The following CAMKMT variants were observed in gnomAD, a reference collection of about 807,000 sequenced individuals.
CAMKMT encodes the protein calmodulin-lysine N-methyltransferase.
In CAMKMT, 53 loss-of-function variants were observed where a neutral mutation model predicts 48.0. That is an observed-to-expected ratio of 1.10 (90% CI 0.89 to 1.39). The LOEUF is 1.39. Ranked by LOEUF, CAMKMT falls within the 40% of genes most tolerant of loss-of-function variation. CAMKMT has a pLI of 0.00. For synonymous variants in CAMKMT, 165 were observed against 152.3 expected (o/e 1.08, Z -0.61); for missense variants, 428 against 402.7 (o/e 1.06, Z -0.54).
At position 44,706,291 on chromosome 2, in the gene CAMKMT, C is replaced by T. The variant is rs1413721033; in HGVS notation, c.442C>T (p.Leu148Phe). 6.2e-7 allele frequency: 1 copy of T among 1,613,154 alleles called. No individual in the cohort carries two copies. The highest frequency in any genetic ancestry group is 2.2e-5 in the East Asian group (1 of 44,882). Residue 148 changes from leucine to phenylalanine, a missense_variant, in exon 5 of 11, where the codon CTT (leucine) becomes TTT (phenylalanine). By Grantham distance (22) the Leu-to-Phe change is conservative. Transcript: ENST00000378494. ...CLKHNNIFRA[L>F]AVCELGGGMT... Reference sequence around the variant, plus strand: ...CATTTCTTTTCTCTCTTTCAGGGCCCTTGCTGTGTGTGAGCTAGGGGGTGG... The same window carrying T: ...CATTTCTTTTCTCTCTTTCAGGGCCTTTGCTGTGTGTGAGCTAGGGGGTGG...
chr2:44,585,679 T>C (rs1018399388), intron 3 of CAMKMT, among the ~76,000 whole-genome samples: 11 of 152,222 alleles, frequency 7.2e-5, no homozygotes, highest in Non-Finnish European at 1.5e-5. Flanking sequence ...GTGACAATTG[T>C]GTACTTTATG....
At chr2:44,609,662 G>T (rs759301891) in intron 3 of CAMKMT, among the ~76,000 whole-genome samples, 3 of 152,146 alleles carry the variant, frequency 2.0e-5, no homozygotes, top group Admixed American at 6.5e-5. Context: ...TATAGGATTT[G>T]ATTTCTGAAA....
chr2:44,654,514 C>T (rs1205932307), intron 3 of CAMKMT, among the ~76,000 whole-genome samples: 2 of 151,966 alleles, frequency 1.3e-5, no homozygotes, highest in African/African-American at 2.4e-5. Context: ...AACCATTTTT[C>T]GTTTTTGTTT....
At chr2:44,488,435 C>T (rs1669316422) in intron 3 of CAMKMT, among the ~76,000 whole-genome samples, 1 of 152,168 alleles carries the variant, frequency 6.6e-6, no homozygotes. Context: ...ACCCAGGAGG[C>T]AGAGGTTGTG....
intron 3 of CAMKMT, among the ~76,000 whole-genome samples, chr2:44,659,196 G>A (rs139616790): frequency 2.4e-4 from 37 of 151,312 alleles, no homozygotes; most frequent in African/African-American, 8.7e-4. Flanking sequence ...CAAGGCAGGA[G>A]GATTTCTTGA....
At chr2:44,526,067 T>A (rs764200530) in intron 3 of CAMKMT, among the ~76,000 whole-genome samples, 1 of 151,996 alleles carries the variant, frequency 6.6e-6, no homozygotes, top group Non-Finnish European at 1.5e-5. Context: ...CCATAAAAAA[T>A]GATGAGTTCA....
chr2:44,499,952 T>C (rs1163296075), intron 3 of CAMKMT, among the ~76,000 whole-genome samples: 1 of 152,178 alleles, frequency 6.6e-6, no homozygotes, highest in East Asian at 1.9e-4. Flanking sequence ...GTACTATGTA[T>C]TGGAAGAATA....
intron 3 of CAMKMT, among the ~76,000 whole-genome samples, chr2:44,507,055 T>G (rs1364760490): frequency 7.1e-6 from 1 of 140,410 alleles, no homozygotes; most frequent in Non-Finnish European, 1.5e-5. Context: ...ATTTTGGAAT[T>G]CATAAAATTT....
intron 3 of CAMKMT, among the ~76,000 whole-genome samples, chr2:44,597,324 A>G (rs928189107): frequency 6.6e-6 from 1 of 152,216 alleles, no homozygotes; most frequent in African/African-American, 2.4e-5. Context: ...CTACCTCCAT[A>G]CTTCCATTTT....
intron 3 of CAMKMT, among the ~76,000 whole-genome samples, chr2:44,692,480 A>G (rs138483529): frequency 8.7e-4 from 132 of 152,314 alleles, no homozygotes; most frequent in Non-Finnish European, 1.5e-3. Context: ...TCACAGCACT[A>G]TTCACTGTCT....
chr2:44,433,408 C>T (rs561305527), intron 3 of CAMKMT, among the ~76,000 whole-genome samples: 16 of 150,742 alleles, frequency 1.1e-4, no homozygotes, highest in African/African-American at 3.9e-4. Context: ...ATTTTTTTTT[C>T]AAATCCAAGT....
At chr2:44,396,551 A>G (rs1461136217) in intron 3 of CAMKMT, among the ~76,000 whole-genome samples, 1 of 152,130 alleles carries the variant, frequency 6.6e-6, no homozygotes, top group African/African-American at 2.4e-5. Flanking sequence ...AAAGTGAGAT[A>G]ATTTTTGCTT....
chr2:44,370,596 A>G (rs1339556724), intron 1 of CAMKMT, among the ~76,000 whole-genome samples: 1 of 152,040 alleles, frequency 6.6e-6, no homozygotes, highest in African/African-American at 2.4e-5. Context: ...CAAAGAAACA[A>G]CGTTTAGTAT....
At chr2:44,706,695 T>C (rs1677585524) in intron 5 of CAMKMT, among the ~76,000 whole-genome samples, 1 of 151,408 alleles carries the variant, frequency 6.6e-6, no homozygotes, top group Non-Finnish European at 1.5e-5. Context: ...AGCACCATGA[T>C]ATAGCTGCTA....
chr2:44,706,874 T>G (rs1558808478), intron 5 of CAMKMT, among the ~76,000 whole-genome samples: 1 of 152,150 alleles, frequency 6.6e-6, no homozygotes. Flanking sequence ...CAAGTTTTTA[T>G]GTCTCTACAA....
At chr2:44,593,033 A>T (rs1472395493) in intron 3 of CAMKMT, among the ~76,000 whole-genome samples, 3 of 152,220 alleles carry the variant, frequency 2.0e-5, no homozygotes, top group Admixed American at 6.5e-5. Flanking sequence ...ATAAGTATTT[A>T]TAATAAATAT....
At chr2:44,663,136 T>C (rs1674766961) in intron 3 of CAMKMT, among the ~76,000 whole-genome samples, 1 of 152,198 alleles carries the variant, frequency 6.6e-6, no homozygotes, top group African/African-American at 2.4e-5. Flanking sequence ...AATTTAACAT[T>C]GGTATAATAC....
At chr2:44,722,571 T>C (rs927875645) in intron 7 of CAMKMT, among the ~76,000 whole-genome samples, 4 of 152,108 alleles carry the variant, frequency 2.6e-5, no homozygotes, top group African/African-American at 9.7e-5. Flanking sequence ...TTTACCCCAT[T>C]ATTTTGTACG....
At chr2:44,614,580 A>T (rs2103907999) in intron 3 of CAMKMT, among the ~76,000 whole-genome samples, 1 of 152,342 alleles carries the variant, frequency 6.6e-6, no homozygotes, top group African/African-American at 2.4e-5. Flanking sequence ...AGAGTATAAC[A>T]GATGGTGATA....
Sources: allele counts gnomAD v4.1 joint callset (sites outside exome capture counted in the v4.1 genomes callset), GRCh38; gene constraint gnomAD v4.1.1; transcripts MANE v1.5; gene names NCBI Gene and HGNC (gene_info 2026-07-23, HGNC 2026-07-21).